The following ZNF337 variants were observed in gnomAD, a reference collection of about 807,000 sequenced individuals.
ZNF337 encodes zinc finger protein 337.
Under a neutral mutation model 12.1 loss-of-function variants are expected in ZNF337, and 8 were observed. That is an observed-to-expected ratio of 0.66 (90% CI 0.39 to 1.19). The LOEUF is 1.19. Among genes scored for constraint, ZNF337 ranks in the 50% most tolerant of loss-of-function variants. The pLI, the probability that ZNF337 is intolerant of heterozygous loss-of-function variation, is 0.01. For missense variants in ZNF337, 882 were observed against 896.6 expected, an observed-to-expected ratio of 0.98 and a Z score of 0.21; for synonymous variants, 336 against 320.0, an observed-to-expected ratio of 1.05 and a Z score of -0.53.
chr20:25,691,299 A>G (rs951674923), intron 1 of ZNF337, among the ~76,000 whole-genome samples: 1 of 152,236 alleles, frequency 6.6e-6, no homozygotes, highest in Non-Finnish European at 1.5e-5. Flanking sequence ...TGAAATAAAC[A>G]GAGCCAAAAG....
At position 25,674,388 on chromosome 20, in the gene ZNF337, G is replaced by A. The variant is rs1197938759; in HGVS notation, c.*644C>T. On this transcript the variant is annotated 3_prime_UTR_variant, in exon 5 of 5. Transcript: ENST00000252979. ...TGTCCTCACAGAGCAGAAAATAGAA[G>A]GGCCACAGGACAAACTCCCTCTATC... 1 of 152,178 alleles carries A rather than the reference G, an allele frequency of 6.6e-6. No individual in the cohort carries two copies. Among genetic ancestry groups the A allele is most frequent in the Non-Finnish European group, 1.5e-5 (1 of 68,070 alleles). The allele number at this position is 152,178 out of a possible 1,614,324, so 9.4% of individuals were successfully genotyped here. A position where few individuals can be genotyped will look rare whatever the true frequency, so the allele number is the denominator to read the frequency against.
intron 4 of ZNF337, chr20:25,677,960 T>G (rs1217012465): frequency 1.3e-5 from 2 of 152,144 alleles, no homozygotes; most frequent in African/African-American, 2.4e-5. Context: ...AAGATAAAAG[T>G]CTTTCCTCTA....
Position 25,676,862 on chromosome 20 carries a change from G to A in ZNF337, c.426C>T (p.Ser142=). ...FSSPPLRHAV[S]SRRRNSVVEI... ...CCACTACACTGTTCCTCCTCCTTGA[G>A]CTTACTGCATGTCTTAGGGGTGGGC... The change falls in exon 5 of 5, where the codon AGC becomes AGT. Residue 142 remains serine, a synonymous_variant. Coordinates refer to ENST00000252979, the MANE Select transcript of ZNF337 (RefSeq NM_015655.4). 4 of 1,614,072 alleles carry A rather than the reference G, an allele frequency of 2.5e-6. No homozygotes were observed. Among genetic ancestry groups the A allele is most frequent in the Non-Finnish European group, 3.4e-6 (4 of 1,180,028 alleles).
At chr20:25,688,381 T>G (rs1382225375) in intron 1 of ZNF337, among the ~76,000 whole-genome samples, 1 of 152,192 alleles carries the variant, frequency 6.6e-6, no homozygotes, top group Non-Finnish European at 1.5e-5. Flanking sequence ...AATAAAAAAT[T>G]TTTTTTTCTG....
chr20:25,691,191 A>G (rs2065879967), intron 1 of ZNF337, among the ~76,000 whole-genome samples: 1 of 152,252 alleles, frequency 6.6e-6, no homozygotes, highest in Non-Finnish European at 1.5e-5. Context: ...AATTCAGTAG[A>G]GGGATTTAAC....
chr20:25,676,302 T>C lies in ZNF337; in HGVS notation c.986A>G (p.Tyr329Cys), dbSNP rs779834260. 1.2e-6 allele frequency: 2 copies of C among 1,605,112 alleles called. No homozygotes were observed. Among genetic ancestry groups the C allele is most frequent in the East Asian group, 4.5e-5 (2 of 44,306 alleles). ...PFVCKECGRG[Y>C]TNKSYFVVHK... Reference sequence around the variant, plus strand: ...CACAACGAAGTATGACTTATTAGTATAGCCTCGCCCACACTCCTTGCACAC... The same window carrying C: ...CACAACGAAGTATGACTTATTAGTACAGCCTCGCCCACACTCCTTGCACAC... Residue 329 changes from tyrosine (Y) to cysteine (C), a missense_variant, in exon 5 of 5, where the codon TAT (tyrosine) becomes TGT (cysteine). Physicochemically the swap from Tyr to Cys is radical, Grantham distance 194. Transcript: ENST00000252979.
chr20:25,675,672 G>T lies in ZNF337; in HGVS notation c.1616C>A (p.Ser539Ter). ...CTTGCACATGAAGGGCTTCTCTCCT[G>T]AGTGTGTCCTCTGATGTATGGTGAG... is the stretch of plus-strand genomic sequence containing the variant. ...PNLTIHQRTH[S>*]GEKPFMCKQC... is the part of the protein sequence containing the mutation. The change falls in exon 5 of 5, where the codon TCA (serine) becomes TAA (stop). Residue 539 changes from serine to a stop codon, truncating the protein, a stop_gained. Coordinates refer to ENST00000252979, the MANE Select transcript of ZNF337 (RefSeq NM_015655.4). LOFTEE classifies it low-confidence loss of function (END_TRUNC). 6.2e-7 allele frequency: 1 copy of T among 1,614,208 alleles called. No homozygotes were observed. The highest frequency in any genetic ancestry group is 8.5e-7 in the Non-Finnish European group (1 of 1,180,040).
Position 25,686,377 on chromosome 20 carries a change from C to G in ZNF337, c.27+14G>C. The G allele has an allele frequency of 6.2e-7, 1 of 1,611,450 alleles. No homozygotes were observed. ...TCCTGTGACAGCAAGAACGACAGTTCTGGGAAGTCTCACCTGTCTCCTGGC... is the reference window on the plus strand; with the variant it reads ...TCCTGTGACAGCAAGAACGACAGTTGTGGGAAGTCTCACCTGTCTCCTGGC... On this transcript the variant is annotated intron_variant, in intron 2 of 4. Coordinates refer to ENST00000252979, the MANE Select transcript of ZNF337 (RefSeq NM_015655.4).
At chr20:25,680,853 C>T (rs2065760062) in intron 4 of ZNF337, 1 of 152,206 alleles carries the variant, frequency 6.6e-6, no homozygotes, top group Non-Finnish European at 1.5e-5. Context: ...AAATAAAATC[C>T]TAACATATGC....
intron 1 of ZNF337, among the ~76,000 whole-genome samples, chr20:25,695,881 T>C (rs1236670639): frequency 6.6e-6 from 1 of 152,164 alleles, no homozygotes; most frequent in African/African-American, 2.4e-5. Context: ...AAAATTAACC[T>C]GCAAGCCTGA....
At chr20:25,696,335 C>T (rs2065928455) in intron 1 of ZNF337, among the ~76,000 whole-genome samples, 1 of 152,176 alleles carries the variant, frequency 6.6e-6, no homozygotes, top group African/African-American at 2.4e-5. Context: ...TAACCCCCAC[C>T]CCACCAGTGG....
intron 1 of ZNF337, among the ~76,000 whole-genome samples, chr20:25,695,935 TG>T (rs2065920755): frequency 1.3e-5 from 2 of 152,126 alleles, no homozygotes; most frequent in Non-Finnish European, 2.9e-5. Flanking sequence ...CTGAATAACC[TG>T]GGCCACAGTC....
At chr20:25,694,868 G>A (rs1190954286) in intron 1 of ZNF337, among the ~76,000 whole-genome samples, 1 of 152,200 alleles carries the variant, frequency 6.6e-6, no homozygotes, top group Non-Finnish European at 1.5e-5. Flanking sequence ...GCAACAGATT[G>A]AAATGGATAG....
chr20:25,676,944 C>T lies in ZNF337; in HGVS notation c.344G>A (p.Ser115Asn), dbSNP rs2065705243. ...TTTCTCTTGACCTTCAGCTGTGTCA[C>T]TCTGGAAGCTTTGATCAGAAAATTG... is the stretch of plus-strand genomic sequence containing the variant. ...QLQFSDQSFQ[S>N]DTAEGQEKEK... The change falls in exon 5 of 5, where the codon AGT becomes AAT. Residue 115 changes from serine to asparagine, a missense_variant. Ser to Asn is a conservative substitution (Grantham distance 46). Transcript: ENST00000252979. 6.2e-7 allele frequency: 1 copy of T among 1,614,142 alleles called. No individual in the cohort carries two copies. The highest frequency in any genetic ancestry group is 1.1e-5 in the South Asian group (1 of 91,084).
intron 1 of ZNF337, 60 bp downstream of exon 1, chr20:25,696,699 C>A: frequency 2.1e-6 from 2 of 974,272 alleles, no homozygotes; most frequent in Non-Finnish European, 2.4e-6. Context: ...GCCTTCCCGG[C>A]CCTTCTTCCT....
chr20:25,688,850 C>T lies in ZNF337; in HGVS notation c.-49-2384G>A, dbSNP rs373516563. Among the ~76,000 whole-genome samples, 65 of 152,210 alleles carry T rather than the reference C, an allele frequency of 4.3e-4. No homozygotes were observed. In the South Asian group the frequency reaches 0.012, roughly 29 times the overall value. On this transcript the variant is annotated intron_variant, in intron 1 of 4. Transcript: ENST00000252979. ...GTTAAGTAAGGGTAAGTATCTCTGC[C>T]GGGCGCGGTGGCTCACGCCTGTAAT...
chr20:25,678,866 C>T (rs964390115), intron 4 of ZNF337, among the ~76,000 whole-genome samples: 6 of 152,142 alleles, frequency 3.9e-5, no homozygotes, highest in Admixed American at 3.3e-4. Flanking sequence ...CACTTAAGCC[C>T]AGGAGTTAGA....
intron 4 of ZNF337, 118 bp downstream of exon 4, chr20:25,685,449 G>A: frequency 1.3e-6 from 1 of 775,624 alleles, no homozygotes; most frequent in Non-Finnish European, 2.2e-6. Flanking sequence ...GGGCCAGGTG[G>A]TCTGAAGAGC....
intron 1 of ZNF337, among the ~76,000 whole-genome samples, chr20:25,692,334 C>T (rs531865513): frequency 8.5e-5 from 13 of 152,166 alleles, no homozygotes; most frequent in African/African-American, 2.9e-4. Context: ...ACTCTAGTTA[C>T]GTTAAAAGGC....
Sources: gnomAD v4.1 joint callset for allele counts (sites outside exome capture counted in the v4.1 genomes callset) on GRCh38, gnomAD v4.1.1 for gene constraint, MANE v1.5 for transcripts, NCBI Gene and HGNC (gene_info 2026-07-23, HGNC 2026-07-21) for gene names.